Variants in ACOT11 observed in about 807,000 individuals in gnomAD.
ACOT11 encodes the protein acyl-CoA thioesterase 11.
In ACOT11, 69 loss-of-function variants were observed where a neutral mutation model predicts 77.5. The ratio of observed to expected loss-of-function variants is 0.89; its 90% confidence interval spans 0.73 to 1.09. The LOEUF is 1.09. ACOT11 is among the 50% of genes least tolerant of loss of function. ACOT11 has a pLI of 0.00. For missense variants in ACOT11, 766 were observed against 813.7 expected (o/e 0.94, Z 0.71); for synonymous variants, 279 against 313.0 (o/e 0.89, Z 1.15).
At chr1:54,581,306 T>C (rs1360368591) in intron 1 of ACOT11, among the ~76,000 whole-genome samples, 2 of 152,204 alleles carry the variant, frequency 1.3e-5, no homozygotes, top group Non-Finnish European at 1.5e-5. Flanking sequence ...GGTGAAGCCT[T>C]GGGCCTGTTT....
intron 1 of ACOT11, among the ~76,000 whole-genome samples, chr1:54,574,683 C>G (rs1323518084): frequency 6.6e-6 from 1 of 152,272 alleles, no homozygotes; most frequent in East Asian, 1.9e-4. Context: ...ATCCCCACCC[C>G]GCTCCCTGTA....
In ACOT11 at chr1:54,560,190, GCAGCA is replaced by G. The variant is rs1002900025; in HGVS notation, c.33+11863_33+11867del. On this transcript the variant is annotated intron_variant, in intron 1 of 15. Coordinates refer to ENST00000343744, the MANE Select transcript of ACOT11 (RefSeq NM_147161.4). ...CAGAGGGAGGTACAAACCTACTATG[GCAGCA>G]CAGCACAGCACAGCCAGGATGTGAC... Among the ~76,000 whole-genome samples, 7 of 152,300 alleles carry G rather than the reference GCAGCA, an allele frequency of 4.6e-5. 1 individual carries two copies. The highest frequency in any genetic ancestry group is 6.8e-3 in the Middle Eastern group (2 of 294).
Position 54,609,830 on chromosome 1 carries a change from A to C in ACOT11, c.*718A>C. The C allele has an allele frequency of 6.2e-7, 1 of 1,614,198 alleles. No individual in the cohort carries two copies. Among genetic ancestry groups the C allele is most frequent in the South Asian group, 1.1e-5 (1 of 91,090 alleles). ...TCCGGGATGTGTGGCCAGCTGCTGC[A>C]GGCAGGACTCCAGCGTCAGGATGTT... On this transcript the variant is annotated 3_prime_UTR_variant, in exon 16 of 16. Transcript: ENST00000343744.
At chr1:54,601,465 C>G in intron 9 of ACOT11, 52 bp downstream of exon 9, 1 of 1,588,860 alleles carries the variant, frequency 6.3e-7, no homozygotes, top group Non-Finnish European at 8.5e-7. Context: ...CCCTCCCTCT[C>G]TGCCCTGGCA....
intron 13 of ACOT11, 142 bp downstream of exon 13, chr1:54,605,351 T>G (rs1655532): frequency 1 from 1,266,003 of 1,267,484 alleles, 632,278 homozygotes; most frequent in East Asian, 1. Context: ...TGGGTGGGGG[T>G]TCAGGGTCAT....
At chr1:54,626,304 A>C (rs879902400) in intron 15 of ACOT11, among the ~76,000 whole-genome samples, 5 of 152,194 alleles carry the variant, frequency 3.3e-5, no homozygotes, top group East Asian at 3.9e-4. Flanking sequence ...AAAGACAAGA[A>C]AAGAAAAGAA....
intron 1 of ACOT11, among the ~76,000 whole-genome samples, chr1:54,562,939 A>G (rs1307713813): frequency 7.0e-6 from 1 of 142,782 alleles, no homozygotes; most frequent in Non-Finnish European, 1.5e-5. Flanking sequence ...AGCCAGGCAG[A>G]GGGGCTCCTC....
At chr1:54,553,214 T>TA (rs1191512157) in intron 1 of ACOT11, among the ~76,000 whole-genome samples, 8 of 151,954 alleles carry the variant, frequency 5.3e-5, no homozygotes, top group Admixed American at 2.0e-4. Flanking sequence ...ATTACCTCAT[T>TA]AAAAAATTTT....
At chr1:54,606,442 T>A (rs1008973241) in intron 13 of ACOT11, among the ~76,000 whole-genome samples, 4 of 152,162 alleles carry the variant, frequency 2.6e-5, no homozygotes, top group Non-Finnish European at 5.9e-5. Context: ...CATGCCTGCC[T>A]CTGTGTGGGT....
chr1:54,601,675 T>C (rs900494327), intron 9 of ACOT11, among the ~76,000 whole-genome samples: 1 of 152,186 alleles, frequency 6.6e-6, no homozygotes, highest in Non-Finnish European at 1.5e-5. Flanking sequence ...GTCATGAGCC[T>C]GCAGGGTTGG....
chr1:54,631,668 C>CATT (rs1445297933), intron 16 of ACOT11, among the ~76,000 whole-genome samples: 1 of 152,142 alleles, frequency 6.6e-6, no homozygotes, highest in Non-Finnish European at 1.5e-5. Flanking sequence ...GAGCAGTGTG[C>CATT]ATTAGAGCTT....
chr1:54,554,290 A>AGTGTGTGTGTGTGT (rs67577349), intron 1 of ACOT11, among the ~76,000 whole-genome samples: 39 of 108,428 alleles, frequency 3.6e-4, no homozygotes, highest in African/African-American at 1.1e-3. Flanking sequence ...AGTATTCCAT[A>AGTGTGTGTGTGTGT]GTGTGTGTGT....
chr1:54,604,236 C>T, intron 11 of ACOT11, 110 bp from the exon 12 acceptor site: 1 of 998,080 alleles, frequency 1.0e-6, no homozygotes, highest in Non-Finnish European at 1.5e-6. Context: ...CACCCACCCA[C>T]CGCCCAACCC....
chr1:54,551,297 A>G (rs1653057632), intron 1 of ACOT11, among the ~76,000 whole-genome samples: 1 of 152,114 alleles, frequency 6.6e-6, no homozygotes, highest in Admixed American at 6.5e-5. Flanking sequence ...GTGGCACTGT[A>G]GACAGAGTCA....
chr1:54,595,254 G>A (rs1245427662), intron 6 of ACOT11, among the ~76,000 whole-genome samples: 1 of 152,102 alleles, frequency 6.6e-6, no homozygotes, highest in Non-Finnish European at 1.5e-5. Context: ...GCTGAAGCAG[G>A]AGAATCGCTT....
intron 15 of ACOT11, among the ~76,000 whole-genome samples, chr1:54,625,879 C>T (rs12411181): frequency 0.28 from 41,738 of 146,558 alleles, 6,509 homozygotes; most frequent in Middle Eastern, 0.41. Context: ...GCGGAGGTTG[C>T]GGTGAGCCGA....
intron 1 of ACOT11, among the ~76,000 whole-genome samples, chr1:54,576,337 C>A (rs1282410450): frequency 6.6e-6 from 1 of 151,720 alleles, no homozygotes; most frequent in African/African-American, 2.4e-5. Context: ...TCCAGACCAG[C>A]CTTGGCAACA....
Position 54,597,427 on chromosome 1 carries a change from G to T in ACOT11, c.764+12G>T, listed in dbSNP as rs993686355. ...ACCATTGCAGCCAGGTGAGGGCAGG[G>T]TGTGCTGCCTCTGCCTCCCCTCCTT... On this transcript the variant is annotated intron_variant, in intron 7 of 15. Transcript: ENST00000343744. The T allele has an allele frequency of 6.2e-7, 1 of 1,601,220 alleles. No homozygotes were observed. The highest frequency in any genetic ancestry group is 8.5e-7 in the Non-Finnish European group (1 of 1,171,894).
chr1:54,562,611 G>C (rs1653572820), intron 1 of ACOT11, among the ~76,000 whole-genome samples: 1 of 146,880 alleles, frequency 6.8e-6, no homozygotes, highest in African/African-American at 2.5e-5. Flanking sequence ...CTTCTCAGAT[G>C]GGGCAGCTGC....
Sources: gnomAD v4.1 joint callset for allele counts (sites outside exome capture counted in the v4.1 genomes callset) on GRCh38, gnomAD v4.1.1 for gene constraint, MANE v1.5 for transcripts, NCBI Gene and HGNC (gene_info 2026-07-23, HGNC 2026-07-21) for gene names.